Variants in RNF220 observed in about 807,000 individuals in gnomAD.
The protein encoded by RNF220 is ring finger protein 220, also known as E3 ubiquitin-protein ligase RNF220.
In RNF220, 7 loss-of-function variants were observed where a neutral mutation model predicts 67.1. The ratio of observed to expected loss-of-function variants is 0.10; its 90% CI spans 0.06 to 0.20. RNF220 has a LOEUF of 0.20. Among genes scored for constraint, RNF220 ranks in the 10% least tolerant of loss-of-function variants. RNF220 has a pLI of 1.00. For missense variants in RNF220, 565 were observed against 740.3 expected (o/e 0.76, Z 2.75); for synonymous variants, 270 against 283.2 (o/e 0.95, Z 0.47).
chr1:44,626,276 ATG>A lies in RNF220; in HGVS notation c.805-19_805-18del, dbSNP rs1557451897. ...TAGGTCTCATTTGGCCTGAGGCCAC[ATG>A]TCTTTTTTCTTCTTCCAGTCCCTCC... On this transcript the variant is annotated intron_variant, in intron 4 of 14. Transcript: ENST00000361799. The A allele has an allele frequency of 6.3e-7, 1 of 1,599,650 alleles. No individual in the cohort carries two copies. The highest frequency in any genetic ancestry group is 8.6e-7 in the Non-Finnish European group (1 of 1,167,078).
intron 2 of RNF220, among the ~76,000 whole-genome samples, chr1:44,490,234 C>T (rs189752243): frequency 5.3e-5 from 8 of 151,484 alleles, no homozygotes; most frequent in African/African-American, 1.2e-4. Context: ...TTTGGGAGGC[C>T]GAGGCAGGTG....
At chr1:44,421,055 T>G (rs1649155802) in intron 2 of RNF220, among the ~76,000 whole-genome samples, 1 of 152,228 alleles carries the variant, frequency 6.6e-6, no homozygotes, top group South Asian at 2.1e-4. Flanking sequence ...GATGGCCAGC[T>G]GCTTCTCCTC....
At chr1:44,535,442 A>G (rs1327617948) in intron 2 of RNF220, among the ~76,000 whole-genome samples, 1 of 152,116 alleles carries the variant, frequency 6.6e-6, no homozygotes, top group African/African-American at 2.4e-5. Context: ...CCCGGCCAGG[A>G]GGCAGCTTCT....
In RNF220 at chr1:44,412,762, G is replaced by GC; in HGVS notation, c.625+43dup. The GC allele has an allele frequency of 6.3e-7, 1 of 1,580,990 alleles. No individual in the cohort carries two copies. The highest frequency in any genetic ancestry group is 8.6e-7 in the Non-Finnish European group (1 of 1,162,142). On this transcript the variant is annotated intron_variant, in intron 2 of 14. Coordinates refer to ENST00000361799, the MANE Select transcript of RNF220 (RefSeq NM_018150.4). The surrounding 1 kb of genome is among the most constrained non-coding windows in gnomAD (Gnocchi z 5.3). ...TCCAGCCCTCCCTTACCCCCAGTAAGCCCTGCCTCACCGTGATGTTCAACA... is the reference window on the plus strand; with the variant it reads ...TCCAGCCCTCCCTTACCCCCAGTAAGCCCCTGCCTCACCGTGATGTTCAACA...
At chr1:44,566,841 G>T (rs1379843122) in intron 2 of RNF220, among the ~76,000 whole-genome samples, 1 of 152,274 alleles carries the variant, frequency 6.6e-6, no homozygotes, top group Non-Finnish European at 1.5e-5. Flanking sequence ...TGGTCAAGAG[G>T]TCACTATGGC....
intron 2 of RNF220, among the ~76,000 whole-genome samples, chr1:44,539,367 C>T (rs920292831): frequency 2.0e-5 from 3 of 152,128 alleles, no homozygotes; most frequent in Non-Finnish European, 4.4e-5. Context: ...CCCAAATGCC[C>T]GAGCTTTCTA....
At chr1:44,502,804 C>T (rs967629737) in intron 2 of RNF220, among the ~76,000 whole-genome samples, 2 of 152,006 alleles carry the variant, frequency 1.3e-5, no homozygotes, top group Admixed American at 6.6e-5. Context: ...CTAACTCAGT[C>T]GCCCAGGCTG....
chr1:44,502,688 T>C (rs1572699404), intron 2 of RNF220, among the ~76,000 whole-genome samples: 1 of 152,262 alleles, frequency 6.6e-6, no homozygotes, highest in East Asian at 1.9e-4. Flanking sequence ...ACACAATACA[T>C]TGTAACATAC....
At chr1:44,598,960 C>T (rs1666731645) in intron 2 of RNF220, among the ~76,000 whole-genome samples, 1 of 152,134 alleles carries the variant, frequency 6.6e-6, no homozygotes, top group Non-Finnish European at 1.5e-5. Context: ...ACTTCCCCCA[C>T]CCCATCTCTC....
intron 1 of RNF220, 21 bp downstream of exon 1, chr1:44,405,551 T>C (rs1647251204): frequency 5.2e-6 from 2 of 384,942 alleles, no homozygotes; most frequent in Non-Finnish European, 9.4e-6. Context: ...CAGAAAGGGG[T>C]GTGGACGTGT....
In RNF220 at chr1:44,407,334, G is replaced by C. The variant is rs906060334; in HGVS notation, c.-118+1804G>C. Among the ~76,000 whole-genome samples, 7 of 152,302 alleles carry C rather than the reference G, an allele frequency of 4.6e-5. No homozygotes were observed. The East Asian group carries it at 1.2e-3, about 25-fold the overall frequency. ...GCAGTGAGGAAGCAGCGAGGGGACTGGGGGGAGCAGAGTGGGCAGGGGGGC... is the reference window on the plus strand; with the variant it reads ...GCAGTGAGGAAGCAGCGAGGGGACTCGGGGGAGCAGAGTGGGCAGGGGGGC... On this transcript the variant is annotated intron_variant, in intron 1 of 14. Coordinates refer to ENST00000361799, the MANE Select transcript of RNF220 (RefSeq NM_018150.4).
intron 2 of RNF220, among the ~76,000 whole-genome samples, chr1:44,413,786 C>T (rs1380763146): frequency 2.6e-5 from 4 of 151,926 alleles, no homozygotes; most frequent in Non-Finnish European, 4.4e-5. Context: ...ACCACCAACA[C>T]GAATACCATT....
chr1:44,443,693 C>A (rs935179885), intron 2 of RNF220, among the ~76,000 whole-genome samples: 3 of 151,936 alleles, frequency 2.0e-5, no homozygotes, highest in African/African-American at 7.3e-5. Context: ...ACATTTTTTT[C>A]TTTTATATTT....
intron 2 of RNF220, among the ~76,000 whole-genome samples, chr1:44,605,222 G>A (rs552934982): frequency 1.9e-4 from 29 of 151,208 alleles, no homozygotes; most frequent in Middle Eastern, 3.4e-3. Context: ...TCACTTGAAC[G>A]CAGGAGGCAG....
intron 2 of RNF220, among the ~76,000 whole-genome samples, chr1:44,567,241 TG>T (rs1284699609): frequency 6.6e-6 from 1 of 152,080 alleles, no homozygotes; most frequent in Non-Finnish European, 1.5e-5. Flanking sequence ...GGAAGAGTGT[TG>T]TTTTGAGCAA....
At chr1:44,434,055 A>C (rs1397857232) in intron 2 of RNF220, among the ~76,000 whole-genome samples, 1 of 152,200 alleles carries the variant, frequency 6.6e-6, no homozygotes, top group Non-Finnish European at 1.5e-5. Context: ...ATGACTGATT[A>C]TTACATGATT....
At chr1:44,573,258 C>T (rs567965484) in intron 2 of RNF220, among the ~76,000 whole-genome samples, 2 of 149,270 alleles carry the variant, frequency 1.3e-5, no homozygotes, top group African/African-American at 5.2e-5. Context: ...GGAGTTTGAA[C>T]TTCTTCTTGT....
chr1:44,572,605 TC>T (rs1340372858), intron 2 of RNF220, among the ~76,000 whole-genome samples: 1 of 152,038 alleles, frequency 6.6e-6, no homozygotes, highest in African/African-American at 2.4e-5. Flanking sequence ...TATTTACTGT[TC>T]CTTCTACCTC....
rs1229221565 is a variant in RNF220, at chr1:44,412,827, C to T, written c.625+105C>T. On this transcript the variant is annotated intron_variant, in intron 2 of 14. Transcript: ENST00000361799. This position sits in a 1 kb window ranked among gnomAD's most constrained non-coding sequence, Gnocchi z 5.3. ...TGCATGCTCCTAGTAATAGGAAGGG[C>T]CAACTACTTCCCTTTCACTAGCTGT... 19 of 1,274,616 alleles carry T rather than the reference C, an allele frequency of 1.5e-5. No homozygotes were observed. In the South Asian group the frequency reaches 2.3e-4, roughly 15 times the overall value. 79.0% of individuals were successfully genotyped at this position (1,274,616 alleles called of 1,614,324 possible).
Sources: allele counts gnomAD v4.1 joint callset (sites outside exome capture counted in the v4.1 genomes callset), GRCh38; gene constraint gnomAD v4.1.1; non-coding constraint Gnocchi (gnomAD v3.1); transcripts MANE v1.5; gene names NCBI Gene and HGNC (gene_info 2026-07-23, HGNC 2026-07-21).